Variants in PRKN observed in about 807,000 individuals in gnomAD.
The protein encoded by PRKN is E3 ubiquitin-protein ligase parkin.
PRKN carries 56 observed loss-of-function variants against 59.5 expected under a neutral mutation model. That is an observed-to-expected ratio of 0.94 (90% CI 0.76 to 1.18). The LOEUF (loss-of-function observed/expected upper bound fraction) is 1.18. PRKN is among the 50% of genes most tolerant of loss of function. The probability of loss-of-function intolerance (pLI) is 0.00; values close to 1 mark genes in which losing one functional copy is unlikely to be tolerated. For synonymous variants in PRKN, 250 were observed against 222.1 expected (o/e 1.13, Z -1.12); for missense variants, 657 against 596.4 (o/e 1.10, Z -1.06).
At chr6:161,452,506 T>C (rs1789781678) in intron 9 of PRKN, among the ~76,000 whole-genome samples, 1 of 152,200 alleles carries the variant, frequency 6.6e-6, no homozygotes, top group Admixed American at 6.5e-5. Flanking sequence ...CTTTAGAAGT[T>C]CAAGTATGTA....
At chr6:161,513,786 G>A (rs1778488066) in intron 9 of PRKN, among the ~76,000 whole-genome samples, 2 of 152,084 alleles carry the variant, frequency 1.3e-5, no homozygotes, top group Non-Finnish European at 2.9e-5. Context: ...TTTACAACGA[G>A]CATGGGAGGT....
chr6:161,382,571 A>G (rs973579510), intron 10 of PRKN, among the ~76,000 whole-genome samples: 1 of 152,208 alleles, frequency 6.6e-6, no homozygotes, highest in Non-Finnish European at 1.5e-5. Context: ...TGTAGTTATT[A>G]GCAAGCCTCC....
At chr6:161,572,055 C>T (rs568661170) in intron 7 of PRKN, among the ~76,000 whole-genome samples, 78 of 152,200 alleles carry the variant, frequency 5.1e-4, no homozygotes, top group African/African-American at 1.9e-3. Context: ...TGGCAGATTG[C>T]AGGACTGCTT....
chr6:162,308,357 T>A (rs1427334793), intron 2 of PRKN, among the ~76,000 whole-genome samples: 1 of 152,082 alleles, frequency 6.6e-6, no homozygotes, highest in African/African-American at 2.4e-5. Flanking sequence ...TGGGTTGGAA[T>A]AAAAGATTGA....
intron 4 of PRKN, among the ~76,000 whole-genome samples, chr6:162,104,136 G>A (rs1026172647): frequency 3.3e-5 from 5 of 152,200 alleles, no homozygotes; most frequent in African/African-American, 1.2e-4. Flanking sequence ...GACTCAGTTT[G>A]TTTGTCTTGT....
intron 7 of PRKN, among the ~76,000 whole-genome samples, chr6:161,714,226 C>T (rs1267887847): frequency 6.6e-6 from 1 of 152,054 alleles, no homozygotes; most frequent in African/African-American, 2.4e-5. Context: ...GAAAGAGAGC[C>T]CCAGCCCTCA....
intron 1 of PRKN, among the ~76,000 whole-genome samples, chr6:162,696,645 C>T (rs547874453): frequency 6.8e-6 from 1 of 146,726 alleles, no homozygotes; most frequent in African/African-American, 2.5e-5. Context: ...GCTCACTGCA[C>T]TCCCAGGCTC....
chr6:162,157,542 G>A (rs1034379902), intron 4 of PRKN, among the ~76,000 whole-genome samples: 1 of 152,144 alleles, frequency 6.6e-6, no homozygotes, highest in Non-Finnish European at 1.5e-5. Flanking sequence ...TGCAAGACCA[G>A]AGCTTAGAAA....
chr6:162,451,579 A>AAG (rs543857383), intron 1 of PRKN, among the ~76,000 whole-genome samples: 14 of 151,976 alleles, frequency 9.2e-5, no homozygotes, highest in African/African-American at 1.7e-4. Flanking sequence ...AAAAGAAAAA[A>AAG]AGAGAGAGAG....
intron 5 of PRKN, among the ~76,000 whole-genome samples, chr6:162,005,089 G>A (rs1194272964): frequency 2.0e-5 from 3 of 152,174 alleles, no homozygotes; most frequent in Admixed American, 2.0e-4. Flanking sequence ...CTGAAGATAT[G>A]CCTGAAAAAG....
intron 1 of PRKN, among the ~76,000 whole-genome samples, chr6:162,538,872 G>A (rs1778817441): frequency 6.6e-6 from 1 of 152,166 alleles, no homozygotes; most frequent in South Asian, 2.1e-4. Context: ...CACATGCTTG[G>A]TAGCATGGGT....
At chr6:161,800,263 C>T (rs1791025290) in intron 6 of PRKN, among the ~76,000 whole-genome samples, 1 of 152,206 alleles carries the variant, frequency 6.6e-6, no homozygotes, top group African/African-American at 2.4e-5. Flanking sequence ...ATGTTTGGGG[C>T]AATCGAGTGC....
At chr6:161,375,246 C>T (rs914604753) in intron 10 of PRKN, among the ~76,000 whole-genome samples, 3 of 152,312 alleles carry the variant, frequency 2.0e-5, no homozygotes, top group Admixed American at 2.0e-4. Context: ...CAGGGAAGTG[C>T]GTTGCAGAGC....
chr6:162,298,969 C>T (rs1217812509), intron 2 of PRKN, among the ~76,000 whole-genome samples: 1 of 152,018 alleles, frequency 6.6e-6, no homozygotes, highest in Non-Finnish European at 1.5e-5. Context: ...GGTTCCAGCC[C>T]CCGCTCTTCC....
chr6:162,312,353 G>C (rs547632963), intron 2 of PRKN, among the ~76,000 whole-genome samples: 1 of 151,996 alleles, frequency 6.6e-6, no homozygotes, highest in African/African-American at 2.4e-5. Context: ...ACTGTAACTG[G>C]CTTCTGTTCA....
intron 1 of PRKN, among the ~76,000 whole-genome samples, chr6:162,551,436 G>C (rs973101946): frequency 1.3e-5 from 2 of 152,158 alleles, no homozygotes; most frequent in Admixed American, 1.3e-4. Flanking sequence ...GTTATTCAGA[G>C]ATTTCTTTTG....
chr6:161,479,827 GCTGGTCTCCAACTTC>G (rs1431918192), intron 9 of PRKN, among the ~76,000 whole-genome samples: 1 of 152,190 alleles, frequency 6.6e-6, no homozygotes, highest in Non-Finnish European at 1.5e-5. Context: ...ACAGTGTGGG[GCTGGTCTCCAACTTC>G]CCTAGCCTCT....
At chr6:161,735,224 C>T (rs1490915410) in intron 7 of PRKN, among the ~76,000 whole-genome samples, 1 of 151,896 alleles carries the variant, frequency 6.6e-6, no homozygotes, top group Non-Finnish European at 1.5e-5. Flanking sequence ...CACAAGTCCC[C>T]CTCATGTGGA....
chr6:161,541,295 G>A (rs932635018), intron 9 of PRKN, among the ~76,000 whole-genome samples: 9 of 152,240 alleles, frequency 5.9e-5, no homozygotes, highest in African/African-American at 1.9e-4. Context: ...GTGGCTAAAG[G>A]CTGCCATGTC....
Sources: gnomAD v4.1 joint callset for allele counts (sites outside exome capture counted in the v4.1 genomes callset) on GRCh38, gnomAD v4.1.1 for gene constraint, MANE v1.5 for transcripts, NCBI Gene and HGNC (gene_info 2026-07-23, HGNC 2026-07-21) for gene names.